The following TEX11 variants were observed in gnomAD, a reference collection of about 807,000 sequenced individuals.
The protein encoded by TEX11 is testis expressed 11.
In TEX11, 7 loss-of-function variants were observed where a neutral mutation model predicts 84.4. The ratio of observed to expected loss-of-function variants is 0.08; its 90% CI spans 0.05 to 0.16. The LOEUF is 0.16. Among genes scored for constraint, TEX11 ranks in the 10% least tolerant of loss-of-function variants. TEX11 has a pLI of 1.00. For synonymous variants in TEX11, 264 were observed against 222.8 expected (o/e 1.18, Z -1.64); for missense variants, 551 against 660.5 (o/e 0.83, Z 1.82).
At chrX:70,788,561 A>C (rs1407625909) in intron 9 of TEX11, among the ~76,000 whole-genome samples, 3 of 110,096 alleles carry the variant, frequency 2.7e-5, no homozygotes, top group African/African-American at 9.9e-5. Flanking sequence ...ATACAAAAAA[A>C]ACCAATACTT....
intron 28 of TEX11, among the ~76,000 whole-genome samples, chrX:70,544,775 GT>G (rs1215559295): frequency 1.0e-5 from 1 of 95,550 alleles, no homozygotes; most frequent in Non-Finnish European, 2.0e-5. Flanking sequence ...GGAGGCAGAG[GT>G]TGCAGTGAGC....
chrX:70,664,865 A>C (rs1603206220), intron 16 of TEX11, among the ~76,000 whole-genome samples: 1 of 107,753 alleles, frequency 9.3e-6, no homozygotes, highest in Non-Finnish European at 1.9e-5. Flanking sequence ...AAAAAAAAAA[A>C]AAAAACCCTC....
At chrX:70,555,997 G>C (rs1343657883) in intron 25 of TEX11, among the ~76,000 whole-genome samples, 2 of 111,181 alleles carry the variant, frequency 1.8e-5, no homozygotes, top group African/African-American at 3.3e-5. Flanking sequence ...ATTTATGCCT[G>C]ATATTGTTAA....
Position 70,651,507 on chromosome X carries a change from C to T in TEX11, c.1426G>A (p.Val476Ile), listed in dbSNP as rs772959829. 12 of 1,207,337 alleles carry T rather than the reference C, an allele frequency of 9.9e-6. No individual in the cohort carries two copies. The highest frequency in any genetic ancestry group is 1.8e-5 in the South Asian group (1 of 56,538). Residue 476 changes from valine to isoleucine, a missense_variant, in exon 17 of 30, where the codon GTT becomes ATT. Val to Ile is a conservative substitution (Grantham distance 29). Transcript: ENST00000374333. Reference sequence around the variant, plus strand: ...TTGAATATATAAAATTGAGTGAAAACGTTCCTAGGGTCATGTCGTTCAGCT... The same window carrying T: ...TTGAATATATAAAATTGAGTGAAAATGTTCCTAGGGTCATGTCGTTCAGCT... ...AEAERHDPRNVFTQFYIFKIA... is the reference protein window; with the variant it reads ...AEAERHDPRNIFTQFYIFKIA...
At position 70,860,959 on chromosome X, in the gene TEX11, T is replaced by C. The variant is rs770031060; in HGVS notation, c.245-23A>G. ...GTACTGCAAAACAGTAATTAGACAA[T>C]GATAAACACAAAACATTCATTCTCC... is the stretch of plus-strand genomic sequence containing the variant. On this transcript the variant is annotated intron_variant, in intron 4 of 29. Coordinates refer to ENST00000374333, the MANE Select transcript of TEX11 (RefSeq NM_031276.3). 17 of 1,035,654 alleles carry C rather than the reference T, an allele frequency of 1.6e-5. No individual in the cohort carries two copies. In the South Asian group the frequency reaches 3.5e-4, roughly 22 times the overall value. The allele number at this position is 1,035,654 out of a possible 1,213,427, so 85.3% of individuals were successfully genotyped here.
Position 70,717,481 on chromosome X carries a change from G to C in TEX11, c.1004+5137C>G, listed in dbSNP as rs112700043. Among the ~76,000 whole-genome samples, 6 of 110,852 alleles carry C rather than the reference G, an allele frequency of 5.4e-5. No homozygotes were observed. In the Admixed American group the frequency reaches 5.8e-4, roughly 11 times the overall value. ...TTAGAGGCATGTGCCACCACAGCCC[G>C]CTCATTTTTGTGTTTTCAGTAGAGA... On this transcript the variant is annotated intron_variant, in intron 13 of 29. Transcript: ENST00000374333.
intron 9 of TEX11, among the ~76,000 whole-genome samples, chrX:70,781,422 A>T (rs1031953434): frequency 1.8e-5 from 2 of 112,023 alleles, no homozygotes; most frequent in African/African-American, 6.5e-5. Context: ...CCAAAGGATC[A>T]CAGCTCCTCA....
intron 15 of TEX11, among the ~76,000 whole-genome samples, chrX:70,672,119 T>C (rs1603209534): frequency 9.1e-6 from 1 of 109,463 alleles, no homozygotes; most frequent in Middle Eastern, 4.7e-3. Context: ...GTATTAATAC[T>C]TTTTTGCCTG....
rs774404970 is a variant in TEX11, at chrX:70,708,086, T to A, written c.1004+14532A>T. Among the ~76,000 whole-genome samples the A allele has an allele frequency of 1.9e-4, 21 of 110,309 alleles. No homozygotes were observed. The East Asian group carries it at 4.3e-3, about 22-fold the overall frequency. ...CAAGCTTGTCAGAAAGGTGATTTTT[T>A]AAAAAAATCAACAAGCAAAAAACAA... On this transcript the variant is annotated intron_variant, in intron 13 of 29. Coordinates refer to ENST00000374333, the MANE Select transcript of TEX11 (RefSeq NM_031276.3).
rs750585296 is a variant in TEX11 at position 70,657,790 on chromosome X, T to G, written c.1381-6238A>C. 4.7e-5 allele frequency among the ~76,000 whole-genome samples: 5 copies of G among 106,657 alleles called. No individual in the cohort carries two copies. In the South Asian group the frequency reaches 2.2e-3, roughly 46 times the overall value. The allele number at this position is 106,657 out of a possible 115,157, so 92.6% of individuals were successfully genotyped here. On this transcript the variant is annotated intron_variant, in intron 16 of 29. Transcript: ENST00000374333. ...GTCCTTTGTAGGTACATGGATGAAA[T>G]TGGAAATCATCATTCTCAGTAAACT...
intron 25 of TEX11, among the ~76,000 whole-genome samples, chrX:70,589,653 G>T (rs949438494): frequency 2.2e-4 from 24 of 111,364 alleles, no homozygotes; most frequent in African/African-American, 7.8e-4. Context: ...CTCCCAAGTA[G>T]CTGGGATTAC....
chrX:70,595,946 T>C lies in TEX11; in HGVS notation c.2068-4123A>G, dbSNP rs184219369. Among the ~76,000 whole-genome samples, 387 of 110,668 alleles carry C rather than the reference T, an allele frequency of 3.5e-3. 3 individuals are homozygous for C. Among genetic ancestry groups the C allele is most frequent in the African/African-American group, 0.012 (368 of 30,519 alleles). On this transcript the variant is annotated intron_variant, in intron 24 of 29. Coordinates refer to ENST00000374333, the MANE Select transcript of TEX11 (RefSeq NM_031276.3). ...GATTGTGAAAGGATGGAAAAAGTTA[T>C]GTTATGGAAACATTGACCATAAGAA...
At chrX:70,598,178 C>A (rs1411126288) in intron 24 of TEX11, among the ~76,000 whole-genome samples, 3 of 111,999 alleles carry the variant, frequency 2.7e-5, no homozygotes, top group Non-Finnish European at 5.6e-5. Flanking sequence ...AAGACTCCAT[C>A]TCTAAATAAA....
chrX:70,683,475 T>G (rs768007561), intron 13 of TEX11, among the ~76,000 whole-genome samples: 57 of 111,164 alleles, frequency 5.1e-4, no homozygotes, highest in African/African-American at 1.8e-3. Context: ...TACAAAAAAT[T>G]GGCAGCTGTG....
chrX:70,702,952 A>T (rs1365970853), intron 13 of TEX11, among the ~76,000 whole-genome samples: 1 of 111,896 alleles, frequency 8.9e-6, no homozygotes, highest in Non-Finnish European at 1.9e-5. Flanking sequence ...TCATAGTAGT[A>T]GCAAACTTTA....
chrX:70,838,465 C>A (rs780882123), intron 7 of TEX11, among the ~76,000 whole-genome samples: 1 of 112,216 alleles, frequency 8.9e-6, no homozygotes, highest in South Asian at 3.7e-4. Flanking sequence ...TTTAATACCA[C>A]CACCAATTTC....
At chrX:70,630,696 C>A (rs2147562388) in intron 17 of TEX11, among the ~76,000 whole-genome samples, 1 of 111,333 alleles carries the variant, frequency 9.0e-6, no homozygotes, top group East Asian at 2.8e-4. Flanking sequence ...TATAAATGAC[C>A]AAATGACCAA....
At chrX:70,847,065 A>T (rs1327222062) in intron 7 of TEX11, among the ~76,000 whole-genome samples, 1 of 111,473 alleles carries the variant, frequency 9.0e-6, no homozygotes, top group Non-Finnish European at 1.9e-5. Flanking sequence ...TTGCTCTAGT[A>T]GTTCCTCTAA....
chrX:70,870,717 AGAGTTAAAAT>A (rs2091625488), intron 4 of TEX11, among the ~76,000 whole-genome samples: 1 of 111,936 alleles, frequency 8.9e-6, no homozygotes, highest in Non-Finnish European at 1.9e-5. Context: ...TGGTAGATTC[AGAGTTAAAAT>A]CTCACTACTT....
Sources: allele counts gnomAD v4.1 joint callset (sites outside exome capture counted in the v4.1 genomes callset), GRCh38; gene constraint gnomAD v4.1.1; transcripts MANE v1.5; gene names NCBI Gene and HGNC (gene_info 2026-07-23, HGNC 2026-07-21).